The following SPAG16 variants were observed in gnomAD, a reference collection of about 807,000 sequenced individuals.
SPAG16 encodes the protein sperm associated antigen 16.
Under a neutral mutation model 80.4 loss-of-function variants are expected in SPAG16, and 86 were observed. That is an observed-to-expected ratio of 1.07 (90% CI 0.90 to 1.28). The LOEUF (loss-of-function observed/expected upper bound fraction) is 1.28. SPAG16 is among the 50% of genes most tolerant of loss of function. The pLI is 0.00. For synonymous variants in SPAG16, 294 were observed against 265.9 expected (o/e 1.11, Z -1.03); for missense variants, 870 against 765.3 (o/e 1.14, Z -1.61).
chr2:214,283,170 T>C (rs749408665), intron 15 of SPAG16, among the ~76,000 whole-genome samples: 3 of 152,160 alleles, frequency 2.0e-5, no homozygotes, highest in Non-Finnish European at 4.4e-5. Context: ...AGTAAATTGA[T>C]TGTACACAGG....
At chr2:214,004,917 G>A (rs537269587) in intron 12 of SPAG16, among the ~76,000 whole-genome samples, 2 of 152,172 alleles carry the variant, frequency 1.3e-5, no homozygotes, top group African/African-American at 2.4e-5. Flanking sequence ...AGGCAAATTC[G>A]CAAATATGAA....
chr2:213,956,353 T>A (rs1451284332), intron 12 of SPAG16, among the ~76,000 whole-genome samples: 1 of 152,122 alleles, frequency 6.6e-6, no homozygotes, highest in Non-Finnish European at 1.5e-5. Context: ...AGGCTTAGTT[T>A]GTTCTTATAG....
intron 9 of SPAG16, among the ~76,000 whole-genome samples, chr2:213,438,955 C>T (rs1021698368): frequency 6.6e-6 from 1 of 152,172 alleles, no homozygotes; most frequent in Admixed American, 6.5e-5. Flanking sequence ...CTACAGGGAG[C>T]TGATTGTTCC....
intron 12 of SPAG16, among the ~76,000 whole-genome samples, chr2:213,998,530 C>A (rs2046636790): frequency 6.6e-6 from 1 of 152,164 alleles, no homozygotes. Flanking sequence ...TCTTCCCATT[C>A]TTGGGTATGT....
At chr2:214,237,373 C>T (rs746883288) in intron 15 of SPAG16, among the ~76,000 whole-genome samples, 5 of 150,990 alleles carry the variant, frequency 3.3e-5, no homozygotes, top group South Asian at 2.1e-4. Context: ...GCATTTTATT[C>T]GTAAGATAAT....
intron 13 of SPAG16, among the ~76,000 whole-genome samples, chr2:214,079,010 T>C (rs1167025587): frequency 6.6e-6 from 1 of 152,164 alleles, no homozygotes; most frequent in Non-Finnish European, 1.5e-5. Context: ...GGTAACAGTC[T>C]TGGTGTGATC....
rs1205028820 is a variant in SPAG16 at position 213,496,809 on chromosome 2, A to T, written c.1070+6719A>T. 3.3e-5 allele frequency among the ~76,000 whole-genome samples: 5 copies of T among 151,282 alleles called. No individual in the cohort carries two copies. The South Asian group carries it at 8.3e-4, about 25-fold the overall frequency. On this transcript the variant is annotated intron_variant, in intron 10 of 15. Transcript: ENST00000331683. Reference sequence around the variant, plus strand: ...TTTTCAAGAGAGTATGTTATATTTTAAAATGTGAGTTTTGAAATTAAATAT... The same window carrying T: ...TTTTCAAGAGAGTATGTTATATTTTTAAATGTGAGTTTTGAAATTAAATAT...
At chr2:214,083,511 C>T (rs1408400071) in intron 13 of SPAG16, among the ~76,000 whole-genome samples, 1 of 152,102 alleles carries the variant, frequency 6.6e-6, no homozygotes, top group African/African-American at 2.4e-5. Context: ...TAACAAGTCT[C>T]GTGTTCTGAT....
intron 13 of SPAG16, among the ~76,000 whole-genome samples, chr2:214,076,773 G>C (rs1036434873): frequency 6.6e-6 from 1 of 152,068 alleles, no homozygotes; most frequent in Non-Finnish European, 1.5e-5. Flanking sequence ...CTTTTGGTTG[G>C]GCAAAGTTAA....
At chr2:213,953,828 A>C (rs2043979776) in intron 12 of SPAG16, among the ~76,000 whole-genome samples, 1 of 152,052 alleles carries the variant, frequency 6.6e-6, no homozygotes, top group Non-Finnish European at 1.5e-5. Flanking sequence ...AAAAGTACTC[A>C]AAGCAATTCA....
chr2:214,247,939 G>C (rs887694223), intron 15 of SPAG16, among the ~76,000 whole-genome samples: 2 of 151,952 alleles, frequency 1.3e-5, no homozygotes, highest in African/African-American at 4.8e-5. Context: ...GAAGCAGCAG[G>C]ATGGCTTGAG....
chr2:213,501,103 A>G (rs1294062218), intron 10 of SPAG16, among the ~76,000 whole-genome samples: 1 of 152,188 alleles, frequency 6.6e-6, no homozygotes, highest in Non-Finnish European at 1.5e-5. Flanking sequence ...GGGCATGTTG[A>G]GTGTGGAATG....
At chr2:213,977,938 T>C (rs1351627359) in intron 12 of SPAG16, among the ~76,000 whole-genome samples, 1 of 152,018 alleles carries the variant, frequency 6.6e-6, no homozygotes, top group African/African-American at 2.4e-5. Context: ...TCCACTGAGA[T>C]GGCTGAGATA....
At chr2:213,472,635 G>C (rs1405975482) in intron 9 of SPAG16, among the ~76,000 whole-genome samples, 1 of 152,152 alleles carries the variant, frequency 6.6e-6, no homozygotes, top group East Asian at 1.9e-4. Flanking sequence ...GAGCCAATGT[G>C]AGAGTTCTGC....
At chr2:213,382,763 A>G (rs1559476692) in intron 9 of SPAG16, among the ~76,000 whole-genome samples, 1 of 152,196 alleles carries the variant, frequency 6.6e-6, no homozygotes, top group Non-Finnish European at 1.5e-5. Flanking sequence ...GGTACTTGCC[A>G]CTTCCTGCTC....
chr2:214,047,206 C>G (rs917312380), intron 13 of SPAG16, among the ~76,000 whole-genome samples: 3 of 152,040 alleles, frequency 2.0e-5, no homozygotes, highest in Non-Finnish European at 2.9e-5. Flanking sequence ...TATGGAACCA[C>G]AAAAGACCTA....
chr2:213,370,654 C>G (rs1266277003), intron 8 of SPAG16, among the ~76,000 whole-genome samples: 6 of 152,144 alleles, frequency 3.9e-5, no homozygotes, highest in Admixed American at 1.3e-4. Context: ...ACGATTCATT[C>G]TACTCTAATG....
chr2:213,859,250 C>T (rs568876153), intron 10 of SPAG16, among the ~76,000 whole-genome samples: 2 of 134,326 alleles, frequency 1.5e-5, no homozygotes, highest in African/African-American at 2.7e-5. Flanking sequence ...TGTATAATAC[C>T]GGACTTCTAC....
intron 15 of SPAG16, among the ~76,000 whole-genome samples, chr2:214,397,286 G>T (rs966272224): frequency 4.6e-5 from 7 of 151,132 alleles, no homozygotes; most frequent in African/African-American, 1.7e-4. Flanking sequence ...CTCCCAAGTA[G>T]CTGGGACTAC....
Sources: allele counts gnomAD v4.1 joint callset (sites outside exome capture counted in the v4.1 genomes callset), GRCh38; gene constraint gnomAD v4.1.1; transcripts MANE v1.5; gene names NCBI Gene and HGNC (gene_info 2026-07-23, HGNC 2026-07-21).